The following CADM1 variants were observed in gnomAD, a reference collection of about 807,000 sequenced individuals.
The protein encoded by CADM1 is cell adhesion molecule 1.
A neutral mutation model predicts 53.1 loss-of-function variants in CADM1; 15 were observed. The ratio of observed to expected loss-of-function variants is 0.28; its 90% CI spans 0.19 to 0.44. CADM1 has a LOEUF of 0.44. Among genes scored for constraint, CADM1 ranks in the 20% least tolerant of loss-of-function variants. CADM1 has a pLI of 1.00. For synonymous variants in CADM1, 281 were observed against 243.0 expected (o/e 1.16, Z -1.45); for missense variants, 434 against 611.3 (o/e 0.71, Z 3.06).
intron 1 of CADM1, among the ~76,000 whole-genome samples, chr11:115,374,770 CTG>C (rs1212470146): frequency 6.6e-6 from 1 of 152,046 alleles, no homozygotes; most frequent in Non-Finnish European, 1.5e-5. Context: ...CAAAATCAGA[CTG>C]TGGGCAATTA....
chr11:115,391,174 T>TA (rs889586646), intron 1 of CADM1, among the ~76,000 whole-genome samples: 4 of 151,996 alleles, frequency 2.6e-5, no homozygotes, highest in Admixed American at 6.6e-5. Context: ...CATTAAACTA[T>TA]AAAAAAAATG....
rs1015088289 is a variant in CADM1 at position 115,173,694 on chromosome 11, T to G, written c.*2780A>C. On this transcript the variant is annotated 3_prime_UTR_variant, in exon 12 of 12. Transcript: ENST00000331581. Reference sequence around the variant, plus strand: ...TTATAGTACTTCTTTTTTTTCTTTTTTTTTTTGTAAAAATGGTATACATGA... The same window carrying G: ...TTATAGTACTTCTTTTTTTTCTTTTGTTTTTTGTAAAAATGGTATACATGA... 7.9e-6 allele frequency: 5 copies of G among 631,018 alleles called. No individual in the cohort carries two copies. The highest frequency in any genetic ancestry group is 7.9e-6 in the Non-Finnish European group (4 of 506,136). 39.1% of individuals were successfully genotyped at this position (631,018 alleles called of 1,614,324 possible). A position where few individuals can be genotyped will look rare whatever the true frequency, so the allele number is the denominator to read the frequency against.
At chr11:115,344,577 A>G (rs1325440542) in intron 1 of CADM1, among the ~76,000 whole-genome samples, 1 of 152,060 alleles carries the variant, frequency 6.6e-6, no homozygotes, top group East Asian at 1.9e-4. Context: ...AGGCCAGACA[A>G]AACTTTACAA....
chr11:115,329,220 T>C (rs1945067030), intron 1 of CADM1, among the ~76,000 whole-genome samples: 1 of 152,160 alleles, frequency 6.6e-6, no homozygotes, highest in Admixed American at 6.5e-5. Context: ...TTAGAAAGTG[T>C]ACCTGGAATG....
At chr11:115,458,657 G>T (rs1007455722) in intron 1 of CADM1, among the ~76,000 whole-genome samples, 18 of 151,760 alleles carry the variant, frequency 1.2e-4, no homozygotes, top group Admixed American at 1.1e-3. Context: ...ATTTAGCATT[G>T]ATCTCATTTC....
chr11:115,416,082 C>T (rs969207129), intron 1 of CADM1, among the ~76,000 whole-genome samples: 3 of 152,176 alleles, frequency 2.0e-5, no homozygotes, highest in Non-Finnish European at 4.4e-5. Flanking sequence ...GTACCAGCTG[C>T]CATGTCTGGC....
chr11:115,341,639 A>G (rs1348153754), intron 1 of CADM1, among the ~76,000 whole-genome samples: 1 of 152,242 alleles, frequency 6.6e-6, no homozygotes, highest in East Asian at 1.9e-4. Context: ...ATACAAAATT[A>G]TAAATTTGTC....
At position 115,259,266 on chromosome 11, in the gene CADM1, G is replaced by A. The variant is rs113049121; in HGVS notation, c.125-18846C>T. Among the ~76,000 whole-genome samples, 839 of 146,162 alleles carry A rather than the reference G, an allele frequency of 5.7e-3. 8 individuals are homozygous for A. Among genetic ancestry groups the A allele is most frequent in the African/African-American group, 0.019 (726 of 39,210 alleles). The stretch of plus-strand genomic sequence containing the variant: ...CTCCCAAAGTGCTGGAATTACAGGC[G>A]TGCGCCACCGCACCCAGTCTTAACT... On this transcript the variant is annotated intron_variant, in intron 1 of 11. Coordinates refer to ENST00000331581, the MANE Select transcript of CADM1 (RefSeq NM_001301043.2).
At chr11:115,271,845 T>G (rs1413677702) in intron 1 of CADM1, among the ~76,000 whole-genome samples, 1 of 152,228 alleles carries the variant, frequency 6.6e-6, no homozygotes, top group African/African-American at 2.4e-5. Flanking sequence ...CAGCCAAAGA[T>G]CCACTGAGAT....
intron 1 of CADM1, among the ~76,000 whole-genome samples, chr11:115,299,372 C>T (rs1944160200): frequency 6.6e-6 from 1 of 152,088 alleles, no homozygotes; most frequent in Non-Finnish European, 1.5e-5. Flanking sequence ...ACAGGGAGAA[C>T]AAATTTTTTT....
chr11:115,497,222 A>G (rs767498409), intron 1 of CADM1, among the ~76,000 whole-genome samples: 1 of 152,230 alleles, frequency 6.6e-6, no homozygotes, highest in Non-Finnish European at 1.5e-5. Context: ...TATATATCAC[A>G]GCACTTTCAT....
chr11:115,249,519 T>A (rs1942521613), intron 1 of CADM1, among the ~76,000 whole-genome samples: 1 of 152,238 alleles, frequency 6.6e-6, no homozygotes, highest in South Asian at 2.1e-4. Flanking sequence ...ACTATCTACA[T>A]TTCCCAAAAC....
At chr11:115,295,774 C>T (rs1944062012) in intron 1 of CADM1, among the ~76,000 whole-genome samples, 1 of 151,724 alleles carries the variant, frequency 6.6e-6, no homozygotes, top group African/African-American at 2.4e-5. Flanking sequence ...TAGCCTACAA[C>T]ATACTGTTCT....
At chr11:115,450,445 T>C (rs1055847049) in intron 1 of CADM1, among the ~76,000 whole-genome samples, 2 of 152,218 alleles carry the variant, frequency 1.3e-5, no homozygotes, top group African/African-American at 4.8e-5. Context: ...ACCTGCTAAA[T>C]GCATCCTTGA....
At chr11:115,248,300 T>C (rs1178562980) in intron 1 of CADM1, among the ~76,000 whole-genome samples, 1 of 152,224 alleles carries the variant, frequency 6.6e-6, no homozygotes, top group East Asian at 1.9e-4. Context: ...CCTGTACTAT[T>C]ACAATTTCAA....
chr11:115,399,867 C>T (rs554486569), intron 1 of CADM1, among the ~76,000 whole-genome samples: 2 of 152,172 alleles, frequency 1.3e-5, no homozygotes, highest in Admixed American at 1.3e-4. Context: ...CTGCGGTCTA[C>T]CCACTGACCT....
chr11:115,346,604 T>G (rs916593063), intron 1 of CADM1, among the ~76,000 whole-genome samples: 1 of 152,166 alleles, frequency 6.6e-6, no homozygotes, highest in African/African-American at 2.4e-5. Flanking sequence ...ACTTCTTTTT[T>G]GTTGGGGTGA....
chr11:115,426,870 G>A (rs2135284447), intron 1 of CADM1, among the ~76,000 whole-genome samples: 1 of 152,216 alleles, frequency 6.6e-6, no homozygotes, highest in Middle Eastern at 3.4e-3. Context: ...GGTAAGACAA[G>A]AGCCAGGGAC....
chr11:115,296,457 G>A (rs1304331849), intron 1 of CADM1, among the ~76,000 whole-genome samples: 1 of 152,144 alleles, frequency 6.6e-6, no homozygotes, highest in Non-Finnish European at 1.5e-5. Context: ...TGCTGCTTTT[G>A]CAGTAGTGAG....
Sources: allele counts gnomAD v4.1 joint callset (sites outside exome capture counted in the v4.1 genomes callset), GRCh38; gene constraint gnomAD v4.1.1; transcripts MANE v1.5; gene names NCBI Gene and HGNC (gene_info 2026-07-23, HGNC 2026-07-21).